The following DMTN variants were observed in gnomAD, a reference collection of about 807,000 sequenced individuals.
DMTN encodes the protein dematin.
In DMTN, 27 loss-of-function variants were observed where a neutral mutation model predicts 59.4. That is an observed-to-expected ratio of 0.45 (90% CI 0.33 to 0.63). The LOEUF is 0.63. DMTN is among the 20% of genes least tolerant of loss of function. The probability of loss-of-function intolerance (pLI) is 0.02; values close to 1 mark genes in which losing one functional copy is unlikely to be tolerated. For synonymous variants in DMTN, 221 were observed against 203.7 expected (o/e 1.08, Z -0.72); for missense variants, 451 against 528.9 (o/e 0.85, Z 1.45).
chr8:22,068,867 T>C, intron 4 of DMTN, 149 bp from the exon 5 acceptor site: 1 of 924,962 alleles, frequency 1.1e-6, no homozygotes. Flanking sequence ...CAGGGAACTG[T>C]GGGAAGGATC....
chr8:22,081,501 GC>G lies in DMTN; in HGVS notation c.*39del. 6.3e-7 allele frequency: 1 copy of G among 1,580,444 alleles called. No homozygotes were observed. Among genetic ancestry groups the G allele is most frequent in the Non-Finnish European group, 8.7e-7 (1 of 1,149,838 alleles). ...GCTCCGGGACGGCCCCCTTACCCCTGCTGCTTCAGGGTTTTTCCCCGGCGGG... is the reference window on the plus strand; with the variant it reads ...GCTCCGGGACGGCCCCCTTACCCCTGTGCTTCAGGGTTTTTCCCCGGCGGG... On this transcript the variant is annotated 3_prime_UTR_variant, in exon 16 of 16. Transcript: ENST00000358242.
At position 22,081,103 on chromosome 8, in the gene DMTN, C is replaced by G. The variant is rs1158822904; in HGVS notation, c.1024-10C>G. On this transcript the variant is annotated splice_polypyrimidine_tract_variant and intron_variant, in intron 14 of 15. Transcript: ENST00000358242. ...TGTGAGCCTAAGATTGCCCCTCCCC[C>G]CACCCCCAGATCTATCCCTATGAAA... 1.2e-6 allele frequency: 1 copy of G among 845,204 alleles called. No homozygotes were observed. The highest frequency in any genetic ancestry group is 1.9e-6 in the Non-Finnish European group (1 of 528,278). The allele number at this position is 845,204 out of a possible 1,614,324, so 52.4% of individuals were successfully genotyped here.
rs779434697 is a variant in DMTN, at chr8:22,070,277, C to G, written c.547C>G (p.Gln183Glu). Residue 183 changes from glutamine to glutamate, a missense_variant, in exon 8 of 16, where the codon CAG becomes GAG. By Grantham distance (29) the Gln-to-Glu change is conservative. Transcript: ENST00000358242. Reference sequence around the variant, plus strand: ...TGCAGCCCAGCCCCCAGACCCCAACCAGCCAGCCAAAATCGAAACCGACTA... The same window carrying G: ...TGCAGCCCAGCCCCCAGACCCCAACGAGCCAGCCAAAATCGAAACCGACTA... ...FPAAQPPDPNQPAKIETDYWP... is the reference protein window; with the variant it reads ...FPAAQPPDPNEPAKIETDYWP... 147 of 1,613,646 alleles carry G rather than the reference C, an allele frequency of 9.1e-5. No individual in the cohort carries two copies. Among genetic ancestry groups the G allele is most frequent in the Non-Finnish European group, 1.2e-4 (139 of 1,179,844 alleles).
rs1261304446 is a variant in DMTN at position 22,080,418 on chromosome 8, T to A, written c.907T>A (p.Ser303Thr). 3 of 1,614,196 alleles carry A rather than the reference T, an allele frequency of 1.9e-6. No homozygotes were observed. The highest frequency in any genetic ancestry group is 8.5e-7 in the Non-Finnish European group (1 of 1,180,026). The stretch of plus-strand genomic sequence containing the variant: ...TCCTTTGTGTCCTTTCTAGCTACAG[T>A]CCACAGAGTTCAGCCCATCAGGGAG... ...YGRTTLSRLQ[S>T]TEFSPSGSET... The change falls in exon 12 of 16, where the codon TCC (serine) becomes ACC (threonine). Residue 303 changes from serine to threonine, a missense_variant. Transcript: ENST00000358242.
chr8:22,073,947 C>T, intron 10 of DMTN, 112 bp downstream of exon 10: 1 of 806,046 alleles, frequency 1.2e-6, no homozygotes, highest in Non-Finnish European at 2.1e-6. Flanking sequence ...CAAAGCACGG[C>T]TGCTCTCTTG....
At chr8:22,064,592 G>A in intron 1 of DMTN, among the ~76,000 whole-genome samples, 1 of 152,152 alleles carries the variant, frequency 6.6e-6, no homozygotes, top group Non-Finnish European at 1.5e-5. Context: ...CTGAGTAGCT[G>A]GGACTACAGG....
chr8:22,080,728 G>C, intron 13 of DMTN, 77 bp from the exon 14 acceptor site: 1 of 1,583,246 alleles, frequency 6.3e-7, no homozygotes, highest in Non-Finnish European at 8.6e-7. Flanking sequence ...GTTGCCTGGT[G>C]AAGAAGAAGA....
At chr8:22,051,245 G>T (rs996209935), upstream of DMTN, among the ~76,000 whole-genome samples, 18 of 152,108 alleles carry the variant, frequency 1.2e-4, no homozygotes, top group African/African-American at 4.3e-4. Flanking sequence ...CGCCAGTTTG[G>T]GATTACCAAG....
At chr8:22,052,480 A>T (rs1326451290), upstream of DMTN, among the ~76,000 whole-genome samples, 4 of 152,144 alleles carry the variant, frequency 2.6e-5, no homozygotes, top group Non-Finnish European at 5.9e-5. Context: ...GGGCTTAAGC[A>T]GTTAGTCCCA....
intron 1 of DMTN, among the ~76,000 whole-genome samples, chr8:22,062,113 T>C (rs1806984396): frequency 6.6e-6 from 1 of 151,934 alleles, no homozygotes; most frequent in Non-Finnish European, 1.5e-5. Flanking sequence ...ACCCAACTTC[T>C]TTCCCTGTCC....
chr8:22,049,939 C>T (rs575533154), upstream of DMTN, among the ~76,000 whole-genome samples: 9 of 152,280 alleles, frequency 5.9e-5, no homozygotes, highest in East Asian at 1.7e-3. Flanking sequence ...CAGCTACAGT[C>T]TCAGTTGATG....
chr8:22,050,764 TCTGGGTCC>T (rs559247421), upstream of DMTN, among the ~76,000 whole-genome samples: 28 of 152,098 alleles, frequency 1.8e-4, no homozygotes, highest in South Asian at 4.2e-4. Flanking sequence ...TCTCTGGGTC[TCTGGGTCC>T]CTGGGTCCCT....
At chr8:22,072,098 C>T (rs1816003577) in intron 8 of DMTN, among the ~76,000 whole-genome samples, 1 of 152,136 alleles carries the variant, frequency 6.6e-6, no homozygotes, top group Admixed American at 6.6e-5. Context: ...TATATTACCC[C>T]AGGCTGTTCT....
chr8:22,066,535 A>G (rs920862606), intron 1 of DMTN, 170 bp from the exon 2 acceptor site: 1 of 205,910 alleles, frequency 4.9e-6, no homozygotes, highest in African/African-American at 2.3e-5. Context: ...TGGCTCAAAA[A>G]CAAGCGCAGC....
At chr8:22,067,021 C>T (rs1156366085) in intron 2 of DMTN, 64 bp from the exon 3 acceptor site, 5 of 1,451,862 alleles carry the variant, frequency 3.4e-6, no homozygotes, top group African/African-American at 3.0e-5. Flanking sequence ...AGGCCTAGGG[C>T]CGCCCCCGCC....
intron 7 of DMTN, 73 bp downstream of exon 7, chr8:22,070,010 C>T (rs571021556): frequency 6.3e-7 from 1 of 1,596,608 alleles, no homozygotes; most frequent in East Asian, 2.2e-5. Context: ...GGGCTGCGGG[C>T]TGGCTGGAGG....
chr8:22,050,324 G>T (rs1330385564), upstream of DMTN, among the ~76,000 whole-genome samples: 1 of 152,160 alleles, frequency 6.6e-6, no homozygotes, highest in East Asian at 1.9e-4. Flanking sequence ...AGGCTGGGAA[G>T]GAGGTGTGTT....
At position 22,080,833 on chromosome 8, in the gene DMTN, A is replaced by G. The variant is rs762963875; in HGVS notation, c.986A>G (p.Asp329Gly). 4 of 1,598,626 alleles carry G rather than the reference A, an allele frequency of 2.5e-6. No individual in the cohort carries two copies. Among genetic ancestry groups the G allele is most frequent in the Non-Finnish European group, 3.4e-6 (4 of 1,170,110 alleles). The change falls in exon 14 of 16, where the codon GAC (aspartate) becomes GGC (glycine). Residue 329 changes from aspartate to glycine, a missense_variant. Physicochemically the swap from Asp to Gly is moderately conservative, Grantham distance 94 (BLOSUM62 -1). Coordinates refer to ENST00000358242, the MANE Select transcript of DMTN (RefSeq NM_001387751.1). Reference sequence around the variant, plus strand: ...GGAGAGGGCCAGAGGGGGAGGATGGACCGGGGGAACTCCCTGCCCTGTGTG... The same window carrying G: ...GGAGAGGGCCAGAGGGGGAGGATGGGCCGGGGGAACTCCCTGCCCTGTGTG... Reference protein sequence around the residue: ...QNGEGQRGRMDRGNSLPCVLE... With the variant: ...QNGEGQRGRMGRGNSLPCVLE...
chr8:22,050,721 C>T (rs1465545012), upstream of DMTN, among the ~76,000 whole-genome samples: 1 of 152,180 alleles, frequency 6.6e-6, no homozygotes, highest in East Asian at 1.9e-4. Context: ...CCACCCCATC[C>T]CCGAGGTATC....
Sources: allele counts gnomAD v4.1 joint callset (sites outside exome capture counted in the v4.1 genomes callset), GRCh38; gene constraint gnomAD v4.1.1; transcripts MANE v1.5; gene names NCBI Gene and HGNC (gene_info 2026-07-23, HGNC 2026-07-21).